The following ZNF695 variants were observed in gnomAD, a reference collection of about 807,000 sequenced individuals.
ZNF695 encodes the protein zinc finger protein SBZF3.
Under a neutral mutation model 11.2 loss-of-function variants are expected in ZNF695, and 11 were observed. That is an observed-to-expected ratio of 0.98 (90% confidence interval 0.62 to 1.62). The LOEUF is 1.62. Ranked by LOEUF, ZNF695 falls within the 40% of genes most tolerant of loss-of-function variation. ZNF695 has a pLI of 0.00. For synonymous variants in ZNF695, 190 were observed against 201.4 expected (o/e 0.94, Z 0.48); for missense variants, 559 against 590.5 (o/e 0.95, Z 0.55).
chr1:246,994,691 G>C (rs1558318435), intron 3 of ZNF695, among the ~76,000 whole-genome samples: 1 of 151,888 alleles, frequency 6.6e-6, no homozygotes, highest in African/African-American at 2.4e-5. Context: ...CAAAAAATTA[G>C]CTGGGCATGG....
At chr1:246,965,651 C>T (rs1473043996) in intron 5 of ZNF695, among the ~76,000 whole-genome samples, 1 of 151,618 alleles carries the variant, frequency 6.6e-6, no homozygotes, top group South Asian at 2.1e-4. Flanking sequence ...GCAGGAGAAT[C>T]GCTTGAACCC....
intron 1 of ZNF695, among the ~76,000 whole-genome samples, chr1:247,003,842 A>C (rs1230483970): frequency 2.6e-5 from 4 of 152,262 alleles, no homozygotes; most frequent in Non-Finnish European, 5.9e-5. Flanking sequence ...TATGTTCCAC[A>C]CTGAAACACT....
chr1:246,995,941 ACATGAAGAGTT>A, intron 3 of ZNF695: 1 of 414,182 alleles, frequency 2.4e-6, no homozygotes, highest in African/African-American at 2.1e-5. Flanking sequence ...ATATATGGTC[ACATGAAGAGTT>A]CTTTGCATGC....
At position 246,986,252 on chromosome 1, in the gene ZNF695, G is replaced by C. The variant is rs775599617; in HGVS notation, c.*715C>G. The C allele has an allele frequency of 3.4e-5, 20 of 587,188 alleles. No homozygotes were observed. The highest frequency in any genetic ancestry group is 4.3e-5 in the Non-Finnish European group (20 of 466,548). 36.4% of individuals were successfully genotyped at this position (587,188 alleles called of 1,614,324 possible). A position where few individuals can be genotyped will look rare whatever the true frequency, so the allele number is the denominator to read the frequency against. The stretch of plus-strand genomic sequence containing the variant: ...CCTGGCTTTTATTTTACTTTTTGTA[G>C]AGATGAGGTTTTGCCATGTTGCCCA... On this transcript the variant is annotated 3_prime_UTR_variant, in exon 4 of 4. Transcript: ENST00000339986.
intron 1 of ZNF695, among the ~76,000 whole-genome samples, chr1:247,003,300 G>A (rs1241952559): frequency 6.6e-6 from 1 of 152,128 alleles, no homozygotes; most frequent in Non-Finnish European, 1.5e-5. Flanking sequence ...ACAAAATCAT[G>A]TTCTTTGCAG....
chr1:246,973,064 T>TA (rs1668469308), intron 4 of ZNF695, among the ~76,000 whole-genome samples: 5 of 130,844 alleles, frequency 3.8e-5, no homozygotes, highest in Admixed American at 7.8e-5. Context: ...ATATATATAT[T>TA]TTGAGACGGA....
At chr1:246,978,514 C>A (rs1181955111) in intron 4 of ZNF695, among the ~76,000 whole-genome samples, 1 of 152,120 alleles carries the variant, frequency 6.6e-6, no homozygotes, top group East Asian at 1.9e-4. Context: ...AAGGTGATCC[C>A]AGGAACAGAA....
intron 4 of ZNF695, among the ~76,000 whole-genome samples, chr1:246,976,718 C>A (rs192507516): frequency 6.6e-6 from 1 of 152,144 alleles, no homozygotes; most frequent in South Asian, 2.1e-4. Context: ...GGCATGAACC[C>A]GGGAGGCAGA....
At chr1:246,999,890 A>T (rs1208467790) in intron 2 of ZNF695, 22 bp downstream of exon 2, 4 of 1,611,248 alleles carry the variant, frequency 2.5e-6, no homozygotes, top group Non-Finnish European at 3.4e-6. Context: ...CATTCTACAA[A>T]GGAAAAAGAT....
downstream of ZNF695, among the ~76,000 whole-genome samples, chr1:246,984,569 T>C (rs1173594281): frequency 6.6e-6 from 1 of 152,242 alleles, no homozygotes; most frequent in Non-Finnish European, 1.5e-5. Flanking sequence ...CACTGCGTTA[T>C]GTTTCTTCAC....
At chr1:246,995,813 CAAAAAAAAAAAAAAA>C (rs60375785) in intron 3 of ZNF695, among the ~76,000 whole-genome samples, 1 of 66,760 alleles carries the variant, frequency 1.5e-5, no homozygotes, top group Admixed American at 1.9e-4. Flanking sequence ...GACTCTGTCT[CAAAAAAAAAAAAAAA>C]AAAAAAAAAG....
intron 5 of ZNF695, among the ~76,000 whole-genome samples, chr1:246,950,613 T>C (rs926554745): frequency 7.5e-6 from 1 of 133,406 alleles, no homozygotes; most frequent in East Asian, 2.3e-4. Flanking sequence ...ATTTCGTCAC[T>C]GCACTCCAGC....
intron 1 of ZNF695, among the ~76,000 whole-genome samples, chr1:247,001,927 A>T (rs1186596242): frequency 6.6e-6 from 1 of 152,170 alleles, no homozygotes; most frequent in Non-Finnish European, 1.5e-5. Context: ...TGACAGTATT[A>T]GATCATCAAA....
intron 1 of ZNF695, among the ~76,000 whole-genome samples, chr1:247,006,209 A>G (rs1295733248): frequency 6.7e-6 from 1 of 149,682 alleles, no homozygotes; most frequent in Non-Finnish European, 1.5e-5. Flanking sequence ...TGGGCGACAG[A>G]GCGAGACTCT....
At chr1:246,991,935 A>G (rs1669048695) in intron 3 of ZNF695, among the ~76,000 whole-genome samples, 1 of 151,994 alleles carries the variant, frequency 6.6e-6, no homozygotes, top group Admixed American at 6.6e-5. Flanking sequence ...GTGGCTCATA[A>G]CTGTAATCCC....
intron 5 of ZNF695, among the ~76,000 whole-genome samples, chr1:246,949,368 C>A (rs56897031): frequency 0.12 from 17,607 of 152,008 alleles, 1,967 homozygotes; most frequent in African/African-American, 0.29. Context: ...AGGCAGGCAG[C>A]TCATCTGAGG....
intron 3 of ZNF695, among the ~76,000 whole-genome samples, chr1:246,991,262 A>C (rs1429432020): frequency 6.6e-6 from 1 of 152,190 alleles, no homozygotes; most frequent in African/African-American, 2.4e-5. Context: ...ACAACCAAAA[A>C]AAAATGGACA....
intron 3 of ZNF695, among the ~76,000 whole-genome samples, chr1:246,994,489 C>T (rs1365746922): frequency 6.6e-6 from 1 of 151,454 alleles, no homozygotes; most frequent in Non-Finnish European, 1.5e-5. Context: ...TGCAGTGAGC[C>T]GAGATCACGC....
At chr1:247,007,672 C>G (rs1338084770) in intron 1 of ZNF695, among the ~76,000 whole-genome samples, 1 of 152,022 alleles carries the variant, frequency 6.6e-6, no homozygotes, top group Admixed American at 6.5e-5. Flanking sequence ...TGGGCCGTGC[C>G]GAAGTCACCA....
Sources: gnomAD v4.1 joint callset for allele counts (sites outside exome capture counted in the v4.1 genomes callset) on GRCh38, gnomAD v4.1.1 for gene constraint, MANE v1.5 for transcripts, NCBI Gene and HGNC (gene_info 2026-07-23, HGNC 2026-07-21) for gene names.